SLC24A2: variants seen among roughly 807,000 people sequenced by gnomAD.
The protein encoded by SLC24A2 is solute carrier family 24 member 2.
Under a neutral mutation model 62.0 loss-of-function variants are expected in SLC24A2, and 36 were observed. The observed-to-expected ratio is 0.58, with a 90% CI of 0.44 to 0.77. The LOEUF is 0.77. Among genes scored for constraint, SLC24A2 ranks in the 30% least tolerant of loss-of-function variants. The pLI, the probability that SLC24A2 is intolerant of heterozygous loss-of-function variation, is 0.00. For synonymous variants in SLC24A2, 358 were observed against 294.0 expected (o/e 1.22, Z -2.23); for missense variants, 846 against 817.9 (o/e 1.03, Z -0.42).
chr9:19,898,725 G>C, the SLC24A2 span, among the ~76,000 whole-genome samples: 1 of 122,956 alleles, frequency 8.1e-6, no homozygotes. Flanking sequence ...CTGGGTGACA[G>C]AGCAAGACTC....
At chr9:20,210,699 T>G in the SLC24A2 span, among the ~76,000 whole-genome samples, 3 of 133,492 alleles carry the variant, frequency 2.2e-5, no homozygotes, top group Non-Finnish European at 3.1e-5. Flanking sequence ...AGAGACGGGG[T>G]TTCACCGTAT....
At chr9:19,925,075 A>C in the SLC24A2 span, among the ~76,000 whole-genome samples, 3 of 152,114 alleles carry the variant, frequency 2.0e-5, no homozygotes, top group South Asian at 6.2e-4. Flanking sequence ...AGTAAAACAC[A>C]GCTTGCCTTA....
chr9:20,021,134 C>A, the SLC24A2 span, among the ~76,000 whole-genome samples: 1 of 152,070 alleles, frequency 6.6e-6, no homozygotes, highest in Non-Finnish European at 1.5e-5. Flanking sequence ...AAATTAACAT[C>A]TTCACATTAA....
chr9:20,095,195 G>A, the SLC24A2 span, among the ~76,000 whole-genome samples: 4 of 152,162 alleles, frequency 2.6e-5, no homozygotes, highest in Non-Finnish European at 5.9e-5. Flanking sequence ...ATGTTAACAT[G>A]TAATGGGCTT....
At chr9:19,558,987 T>G (rs1444568868) in intron 7 of SLC24A2, among the ~76,000 whole-genome samples, 4 of 152,202 alleles carry the variant, frequency 2.6e-5, no homozygotes, top group East Asian at 3.8e-4. Flanking sequence ...ACTTTTCATA[T>G]GGTTTTCTAC....
the SLC24A2 span, among the ~76,000 whole-genome samples, chr9:20,054,251 G>C: frequency 6.6e-6 from 1 of 151,820 alleles, no homozygotes; most frequent in African/African-American, 2.4e-5. Context: ...GAATGCAGTG[G>C]TGTGATCTTG....
At chr9:19,546,716 T>C (rs1834593745) in intron 8 of SLC24A2, among the ~76,000 whole-genome samples, 1 of 151,392 alleles carries the variant, frequency 6.6e-6, no homozygotes, top group African/African-American at 2.5e-5. Flanking sequence ...ACTGGTGTTC[T>C]GGCACCACTG....
the SLC24A2 span, among the ~76,000 whole-genome samples, chr9:20,089,930 G>A: frequency 6.6e-6 from 1 of 152,000 alleles, no homozygotes; most frequent in African/African-American, 2.4e-5. Flanking sequence ...CTCTCCACTG[G>A]CTGAATACTC....
At chr9:19,904,116 C>T in the SLC24A2 span, among the ~76,000 whole-genome samples, 7 of 152,206 alleles carry the variant, frequency 4.6e-5, no homozygotes, top group Admixed American at 3.9e-4. Context: ...ATCCTCACTC[C>T]TTGAAGTATG....
chr9:19,959,934 T>C, the SLC24A2 span, among the ~76,000 whole-genome samples: 1 of 152,186 alleles, frequency 6.6e-6, no homozygotes, highest in Non-Finnish European at 1.5e-5. Flanking sequence ...ACCTAGTAAG[T>C]TGGGATAAGG....
the SLC24A2 span, among the ~76,000 whole-genome samples, chr9:20,135,690 G>A: frequency 6.6e-6 from 1 of 152,030 alleles, no homozygotes; most frequent in Non-Finnish European, 1.5e-5. Context: ...ACATGTGAAT[G>A]AGGCTGAAAA....
the SLC24A2 span, among the ~76,000 whole-genome samples, chr9:19,910,429 A>G: frequency 6.6e-6 from 1 of 152,088 alleles, no homozygotes; most frequent in Non-Finnish European, 1.5e-5. Context: ...GCTCCATTAA[A>G]TCCACCTTCC....
At chr9:19,896,224 G>C in the SLC24A2 span, among the ~76,000 whole-genome samples, 1 of 152,220 alleles carries the variant, frequency 6.6e-6, no homozygotes, top group Admixed American at 6.5e-5. Flanking sequence ...ATTGCCAAGT[G>C]TGTTCCTGTG....
At chr9:20,170,858 C>G in the SLC24A2 span, among the ~76,000 whole-genome samples, 1 of 152,012 alleles carries the variant, frequency 6.6e-6, no homozygotes, top group Admixed American at 6.6e-5. Context: ...ATACAAGAAG[C>G]TCAAAGAACA....
chr9:19,892,584 C>T, the SLC24A2 span, among the ~76,000 whole-genome samples: 3 of 152,196 alleles, frequency 2.0e-5, no homozygotes, highest in African/African-American at 7.2e-5. Context: ...TTAACTTTTA[C>T]TGTTAAGAGT....
chr9:19,970,218 G>T, the SLC24A2 span, among the ~76,000 whole-genome samples: 2 of 152,266 alleles, frequency 1.3e-5, no homozygotes, highest in Admixed American at 1.3e-4. Flanking sequence ...CCCTGAAAGT[G>T]GAAGGGAACC....
chr9:19,560,903 A>G (rs534789593), intron 7 of SLC24A2, among the ~76,000 whole-genome samples: 12,884 of 74,624 alleles, frequency 0.17, 639 homozygotes, highest in African/African-American at 0.21. Context: ...GTGTGTATAT[A>G]TATATATATA....
the SLC24A2 span, among the ~76,000 whole-genome samples, chr9:20,034,667 A>C: frequency 2.0e-5 from 3 of 151,836 alleles, no homozygotes; most frequent in Admixed American, 6.6e-5. Context: ...ACGGGGTTTC[A>C]CCGTGTTAGC....
Position 19,511,232 on chromosome 9 carries a change from C to G in SLC24A2, c.*4921G>C, listed in dbSNP as rs894432744. 2 of 151,992 alleles carry G rather than the reference C, an allele frequency of 1.3e-5. No homozygotes were observed. Among genetic ancestry groups the G allele is most frequent in the Non-Finnish European group, 2.9e-5 (2 of 68,000 alleles). The allele number at this position is 151,992 out of a possible 1,614,324, so 9.4% of individuals were successfully genotyped here. ...TGTGAGTAGTTCCCTTATTGCTTTT[C>G]TTGTTTGCTATATATTTAAAAAATA... On this transcript the variant is annotated 3_prime_UTR_variant, in exon 11 of 11. Coordinates refer to ENST00000341998, the MANE Select transcript of SLC24A2 (RefSeq NM_020344.4).
Sources: allele counts gnomAD v4.1 joint callset (sites outside exome capture counted in the v4.1 genomes callset), GRCh38; gene constraint gnomAD v4.1.1; transcripts MANE v1.5; gene names NCBI Gene and HGNC (gene_info 2026-07-23, HGNC 2026-07-21).